The following ANKRD10 variants were observed in gnomAD, a reference collection of about 807,000 sequenced individuals.
ANKRD10 encodes ankyrin repeat domain 10, also known as ankyrin repeat domain-containing protein 10.
A neutral mutation model predicts 27.0 loss-of-function variants in ANKRD10; 14 were observed. The observed-to-expected ratio is 0.52, with a 90% CI of 0.34 to 0.81. The LOEUF (loss-of-function observed/expected upper bound fraction) is 0.81, where lower values mean the gene tolerates loss of function less well. ANKRD10 is among the 40% of genes least tolerant of loss of function. ANKRD10 has a pLI of 0.01. For synonymous variants in ANKRD10, 250 were observed against 224.5 expected, an observed-to-expected ratio of 1.11 and a Z score of -1.01; for missense variants, 493 against 544.0, an observed-to-expected ratio of 0.91 and a Z score of 0.93.
chr13:110,912,453 T>A (rs1319068927), intron 1 of ANKRD10, among the ~76,000 whole-genome samples: 1 of 152,180 alleles, frequency 6.6e-6, no homozygotes, highest in Admixed American at 6.5e-5. Flanking sequence ...AATGAAAGTA[T>A]TAATTAGCGA....
chr13:110,896,091 A>G (rs192887030), intron 3 of ANKRD10, among the ~76,000 whole-genome samples: 327 of 152,362 alleles, frequency 2.1e-3, no homozygotes, highest in Non-Finnish European at 3.5e-3. Context: ...AGCATCTCAC[A>G]TAATTTTGGG....
At chr13:110,890,213 A>C (rs1474665140) in intron 4 of ANKRD10, among the ~76,000 whole-genome samples, 9 of 152,258 alleles carry the variant, frequency 5.9e-5, no homozygotes, top group African/African-American at 2.2e-4. Flanking sequence ...TGGTCAGTTA[A>C]TATGGAAATA....
At chr13:110,890,005 A>G (rs543271118) in intron 4 of ANKRD10, among the ~76,000 whole-genome samples, 1 of 152,178 alleles carries the variant, frequency 6.6e-6, no homozygotes, top group Non-Finnish European at 1.5e-5. Flanking sequence ...GAAGTTACTC[A>G]AAGTATTTTA....
At position 110,893,786 on chromosome 13, in the gene ANKRD10, G is replaced by C. The variant is rs185593940; in HGVS notation, c.456-523C>G. ...AAGGATGTCCTGACATTAAAAAGTAGCCTATCATCAGATTCCAGAGCTGAA... is the reference window on the plus strand; with the variant it reads ...AAGGATGTCCTGACATTAAAAAGTACCCTATCATCAGATTCCAGAGCTGAA... On this transcript the variant is annotated intron_variant, in intron 3 of 5. Transcript: ENST00000267339. Among the ~76,000 whole-genome samples, 4 of 152,334 alleles carry C rather than the reference G, an allele frequency of 2.6e-5. No homozygotes were observed. The East Asian group carries it at 7.7e-4, about 29-fold the overall frequency.
chr13:110,884,905 G>T (rs2064887801), intron 4 of ANKRD10, among the ~76,000 whole-genome samples: 2 of 152,100 alleles, frequency 1.3e-5, no homozygotes, highest in African/African-American at 4.8e-5. Flanking sequence ...AGAGGCCCAC[G>T]AGTCATTTTT....
intron 3 of ANKRD10, chr13:110,904,210 T>A (rs2065464272): frequency 2.0e-5 from 3 of 152,126 alleles, no homozygotes; most frequent in South Asian, 4.1e-4. Context: ...CTAAAAAAAA[T>A]ATGAAAGCTC....
chr13:110,892,741 C>A, intron 4 of ANKRD10: 2 of 1,086,808 alleles, frequency 1.8e-6, no homozygotes, highest in Non-Finnish European at 2.2e-6. Flanking sequence ...CAAACAGATA[C>A]AACAAATTAA....
At chr13:110,909,652 T>C (rs2065638208) in intron 2 of ANKRD10, among the ~76,000 whole-genome samples, 1 of 152,168 alleles carries the variant, frequency 6.6e-6, no homozygotes, top group Non-Finnish European at 1.5e-5. Flanking sequence ...TTACCCCACT[T>C]TCCCATTGAT....
At chr13:110,894,542 T>C (rs1594582754) in intron 3 of ANKRD10, 1 of 165,774 alleles carries the variant, frequency 6.0e-6, no homozygotes. Flanking sequence ...GCTCTGACCT[T>C]GGAAATGAGA....
intron 3 of ANKRD10, chr13:110,895,075 A>C (rs2065192350): frequency 6.6e-6 from 1 of 152,240 alleles, no homozygotes; most frequent in Admixed American, 6.5e-5. Flanking sequence ...ATGAAAATTC[A>C]AAAACTCTTC....
intron 3 of ANKRD10, among the ~76,000 whole-genome samples, chr13:110,905,497 T>C (rs1474906480): frequency 6.6e-6 from 1 of 152,188 alleles, no homozygotes; most frequent in East Asian, 1.9e-4. Context: ...TTAATGTAAA[T>C]AGTCATATTT....
At chr13:110,909,587 C>T (rs1248809210) in intron 2 of ANKRD10, among the ~76,000 whole-genome samples, 3 of 152,192 alleles carry the variant, frequency 2.0e-5, no homozygotes, top group Admixed American at 6.5e-5. Context: ...CTCTTGGCCA[C>T]CTTCCATTTT....
chr13:110,895,586 CTAAA>C (rs912845413), intron 3 of ANKRD10, among the ~76,000 whole-genome samples: 2 of 152,184 alleles, frequency 1.3e-5, no homozygotes, highest in Non-Finnish European at 2.9e-5. Context: ...GATTCTATCT[CTAAA>C]TAAATAAATA....
Position 110,906,047 on chromosome 13 carries a change from A to G in ANKRD10, c.441T>C (p.Asn147=), listed in dbSNP as rs868573384. The change falls in exon 3 of 6, where the codon AAT becomes AAC. Residue 147 remains asparagine (N), a synonymous_variant. Coordinates refer to ENST00000267339, the MANE Select transcript of ANKRD10 (RefSeq NM_017664.4). ...AAGACACTTACTCGACGTGAGCCCCATTCGCCACAAGGGCACTGATGCATT... is the reference window on the plus strand; with the variant it reads ...AAGACACTTACTCGACGTGAGCCCCGTTCGCCACAAGGGCACTGATGCATT... ...SLECISALVA[N]GAHVDLRNAS... is the part of the protein sequence containing the mutation. 6.3e-7 allele frequency: 1 copy of G among 1,599,314 alleles called. No individual in the cohort carries two copies.
Position 110,879,607 on chromosome 13 carries a change from C to T in ANKRD10, c.*30G>A. 6.4e-7 allele frequency: 1 copy of T among 1,563,672 alleles called. No homozygotes were observed. On this transcript the variant is annotated 3_prime_UTR_variant, in exon 6 of 6. Transcript: ENST00000267339. The stretch of plus-strand genomic sequence containing the variant: ...TCTGAGCTGGCTACCAGGAAGGACT[C>T]CTGCGTTTCCGAGAGCCAGGTCAGC...
chr13:110,906,765 G>C (rs1210072375), intron 2 of ANKRD10, among the ~76,000 whole-genome samples: 2 of 152,050 alleles, frequency 1.3e-5, no homozygotes, highest in East Asian at 1.9e-4. Context: ...AGAACACAAA[G>C]GTAAAGCAAA....
chr13:110,880,818 GA>G (rs1457300835), intron 5 of ANKRD10, among the ~76,000 whole-genome samples: 1 of 152,166 alleles, frequency 6.6e-6, no homozygotes, highest in African/African-American at 2.4e-5. Context: ...CCACAGCAAG[GA>G]ACTGTAACGG....
intron 4 of ANKRD10, among the ~76,000 whole-genome samples, chr13:110,888,213 T>C (rs9521977): frequency 0.27 from 40,067 of 149,214 alleles, 6,740 homozygotes; most frequent in Non-Finnish European, 0.38. Flanking sequence ...CAAAAGCGGC[T>C]TGTGATCAAG....
At chr13:110,895,435 T>C (rs2065201113) in intron 3 of ANKRD10, 1 of 152,060 alleles carries the variant, frequency 6.6e-6, no homozygotes, top group African/African-American at 2.4e-5. Flanking sequence ...ATACAAAAAA[T>C]TAGCGGAGTG....
Sources: gnomAD v4.1 joint callset for allele counts (sites outside exome capture counted in the v4.1 genomes callset) on GRCh38, gnomAD v4.1.1 for gene constraint, MANE v1.5 for transcripts, NCBI Gene and HGNC (gene_info 2026-07-23, HGNC 2026-07-21) for gene names.